NOL4: variants seen among roughly 807,000 people sequenced by gnomAD.
The protein encoded by NOL4 is cancer/testis antigen 125.
In NOL4, 17 loss-of-function variants were observed where a neutral mutation model predicts 75.9. The observed-to-expected ratio is 0.22, with a 90% CI of 0.15 to 0.34. The LOEUF (loss-of-function observed/expected upper bound fraction) is 0.34, where lower values mean the gene tolerates loss of function less well. Ranked by LOEUF, NOL4 falls within the 10% of genes least tolerant of loss-of-function variation. The pLI, the probability that NOL4 is intolerant of heterozygous loss-of-function variation, is 1.00. For missense variants in NOL4, 614 were observed against 793.5 expected (o/e 0.77, Z 2.72); for synonymous variants, 292 against 289.9 (o/e 1.01, Z -0.07).
rs1354259709 is a variant in NOL4, at chr18:33,852,881, A to G, written c.1878T>C (p.Ser626=). 1.2e-6 allele frequency: 2 copies of G among 1,612,966 alleles called. No individual in the cohort carries two copies. Among genetic ancestry groups the G allele is most frequent in the Non-Finnish European group, 1.7e-6 (2 of 1,179,374 alleles). ...AAATGAGATTTTCCAGTTCATCTGC[A>G]GATCGCAATAAAAATGCAGCTGATT... ...YRESAAFLLR[S]ADELENLILQ... Residue 626 remains serine, a synonymous_variant, in exon 11 of 11, where the codon TCT becomes TCC. Coordinates refer to ENST00000261592, the MANE Select transcript of NOL4 (RefSeq NM_003787.5).
intron 6 of NOL4, among the ~76,000 whole-genome samples, chr18:33,976,882 T>C (rs2071528013): frequency 6.6e-6 from 1 of 152,166 alleles, no homozygotes; most frequent in African/African-American, 2.4e-5. Context: ...TATATAAATA[T>C]TTATTTCACT....
At chr18:33,871,419 C>T (rs1031562000) in intron 10 of NOL4, among the ~76,000 whole-genome samples, 6 of 151,976 alleles carry the variant, frequency 3.9e-5, no homozygotes, top group Non-Finnish European at 5.9e-5. Context: ...TTTCTGACTT[C>T]CTGAAAAAGC....
chr18:34,147,557 G>A (rs974318613), intron 1 of NOL4, among the ~76,000 whole-genome samples: 7 of 152,120 alleles, frequency 4.6e-5, no homozygotes, highest in Admixed American at 2.0e-4. Flanking sequence ...TGCATCCCAG[G>A]TGTGAAGGCA....
At chr18:34,007,171 G>A (rs1374697119) in intron 6 of NOL4, among the ~76,000 whole-genome samples, 1 of 151,942 alleles carries the variant, frequency 6.6e-6, no homozygotes, top group African/African-American at 2.4e-5. Flanking sequence ...GATAAGAAGG[G>A]AGTTGCTGTG....
At chr18:33,917,850 TTTGGGGATTGCTAA>T (rs1568060017) in intron 9 of NOL4, among the ~76,000 whole-genome samples, 1 of 152,084 alleles carries the variant, frequency 6.6e-6, no homozygotes, top group Non-Finnish European at 1.5e-5. Flanking sequence ...ATATACACCT[TTTGGGGATTGCTAA>T]TTGAAGCTGT....
At chr18:33,981,646 A>G (rs929513261) in intron 6 of NOL4, among the ~76,000 whole-genome samples, 1 of 152,134 alleles carries the variant, frequency 6.6e-6, no homozygotes, top group Admixed American at 6.6e-5. Flanking sequence ...TAATAAGAGA[A>G]TGTGTTACCA....
At chr18:33,883,097 C>T in intron 10 of NOL4, 147 bp downstream of exon 10, 1 of 512,154 alleles carries the variant, frequency 2.0e-6, no homozygotes, top group Admixed American at 3.3e-5. Flanking sequence ...GGGAGATATC[C>T]CTAATGCTAG....
At chr18:34,040,555 G>A (rs948721759) in intron 5 of NOL4, among the ~76,000 whole-genome samples, 3 of 151,814 alleles carry the variant, frequency 2.0e-5, no homozygotes, top group African/African-American at 4.8e-5. Context: ...AACAACATGC[G>A]AGGTGGAGGT....
At chr18:34,104,927 T>C in intron 3 of NOL4, 122 bp downstream of exon 3, 1 of 585,368 alleles carries the variant, frequency 1.7e-6, no homozygotes, top group Non-Finnish European at 3.0e-6. Context: ...CCTACTTGAA[T>C]AAATGAGATG....
chr18:33,904,927 G>A (rs1011989090), intron 9 of NOL4, among the ~76,000 whole-genome samples: 2 of 152,108 alleles, frequency 1.3e-5, no homozygotes, highest in African/African-American at 2.4e-5. Context: ...TTGTCAGCTT[G>A]GAGACGATAA....
At chr18:34,047,397 T>C (rs2076429129) in intron 5 of NOL4, among the ~76,000 whole-genome samples, 1 of 152,054 alleles carries the variant, frequency 6.6e-6, no homozygotes, top group Non-Finnish European at 1.5e-5. Context: ...TATAAATATA[T>C]AAACATGATG....
intron 6 of NOL4, among the ~76,000 whole-genome samples, chr18:33,995,731 T>C (rs116071561): frequency 3.3e-5 from 5 of 151,982 alleles, no homozygotes; most frequent in Admixed American, 2.0e-4. Context: ...TATTTTTGAG[T>C]TTGCAAATGT....
chr18:33,990,246 T>G (rs771650233), intron 6 of NOL4, among the ~76,000 whole-genome samples: 10 of 152,174 alleles, frequency 6.6e-5, no homozygotes, highest in Non-Finnish European at 1.5e-4. Flanking sequence ...TTTTTGTATC[T>G]CACATCAGAT....
intron 1 of NOL4, among the ~76,000 whole-genome samples, chr18:34,218,244 C>G (rs1399732528): frequency 5.3e-5 from 8 of 152,172 alleles, no homozygotes. Context: ...CATCATTCCT[C>G]CGTCTTATGC....
chr18:33,962,150 C>T (rs2070191704), intron 6 of NOL4, among the ~76,000 whole-genome samples: 1 of 152,102 alleles, frequency 6.6e-6, no homozygotes, highest in Non-Finnish European at 1.5e-5. Flanking sequence ...GTGATAGCAT[C>T]ATTTGTGCAT....
chr18:34,175,903 T>TTTTCA (rs2033506098), intron 1 of NOL4, among the ~76,000 whole-genome samples: 1 of 152,070 alleles, frequency 6.6e-6, no homozygotes, highest in Non-Finnish European at 1.5e-5. Context: ...TATAATATTA[T>TTTTCA]TTAAAATATC....
intron 6 of NOL4, among the ~76,000 whole-genome samples, chr18:33,988,425 G>T (rs1464833710): frequency 6.6e-6 from 1 of 152,048 alleles, no homozygotes; most frequent in African/African-American, 2.4e-5. Context: ...TTTCTTTTGG[G>T]AAAGATTACT....
At chr18:33,884,088 G>C (rs1320904571) in intron 9 of NOL4, among the ~76,000 whole-genome samples, 1 of 152,110 alleles carries the variant, frequency 6.6e-6, no homozygotes, top group Non-Finnish European at 1.5e-5. Context: ...GAAAATGTTG[G>C]AAGGGTAATT....
At chr18:33,902,432 T>C (rs1298384728) in intron 9 of NOL4, among the ~76,000 whole-genome samples, 1 of 152,164 alleles carries the variant, frequency 6.6e-6, no homozygotes, top group Non-Finnish European at 1.5e-5. Flanking sequence ...ATAACTTTTT[T>C]CCTCCAGTTT....
Sources: allele counts gnomAD v4.1 joint callset (sites outside exome capture counted in the v4.1 genomes callset), GRCh38; gene constraint gnomAD v4.1.1; transcripts MANE v1.5; gene names NCBI Gene and HGNC (gene_info 2026-07-23, HGNC 2026-07-21).